Variants in RAP1GDS1 observed in about 807,000 individuals in gnomAD.
The protein encoded by RAP1GDS1 is RAP1, GTP-GDP dissociation stimulator 1.
In RAP1GDS1, 35 loss-of-function variants were observed where a neutral mutation model predicts 71.1. The observed-to-expected ratio is 0.49, with a 90% CI of 0.38 to 0.65. The LOEUF (loss-of-function observed/expected upper bound fraction) is 0.65, where lower values mean the gene tolerates loss of function less well. RAP1GDS1 is among the 30% of genes least tolerant of loss of function. The probability of loss-of-function intolerance (pLI) is 0.00; values close to 1 mark genes in which losing one functional copy is unlikely to be tolerated. For synonymous variants in RAP1GDS1, 229 were observed against 243.1 expected (o/e 0.94, Z 0.54); for missense variants, 663 against 706.1 (o/e 0.94, Z 0.69).
intron 4 of RAP1GDS1, among the ~76,000 whole-genome samples, chr4:98,358,129 A>C (rs2110435117): frequency 6.6e-6 from 1 of 152,174 alleles, no homozygotes; most frequent in Admixed American, 6.5e-5. Context: ...TTTATGATAA[A>C]AAGGAATATT....
intron 4 of RAP1GDS1, among the ~76,000 whole-genome samples, chr4:98,369,184 A>G (rs1215619614): frequency 1.3e-5 from 2 of 152,176 alleles, no homozygotes; most frequent in African/African-American, 4.8e-5. Flanking sequence ...GTTACCTCCA[A>G]CTGAGTCCCT....
intron 1 of RAP1GDS1, among the ~76,000 whole-genome samples, chr4:98,288,667 G>T (rs1160497673): frequency 6.6e-6 from 1 of 152,236 alleles, no homozygotes; most frequent in South Asian, 2.1e-4. Flanking sequence ...AAGTGTTCCT[G>T]TTTCTTCACA....
intron 14 of RAP1GDS1, 85 bp from the exon 15 acceptor site, chr4:98,441,905 T>A (rs1751920749): frequency 6.9e-7 from 1 of 1,440,088 alleles, no homozygotes; most frequent in African/African-American, 1.4e-5. Context: ...AGCTTAGTCT[T>A]GTCAAAATAA....
intron 1 of RAP1GDS1, among the ~76,000 whole-genome samples, chr4:98,271,842 T>C (rs1723505357): frequency 1.3e-5 from 2 of 152,228 alleles, no homozygotes; most frequent in Admixed American, 1.3e-4. Flanking sequence ...GTCTCCATTT[T>C]ACTAAATCAA....
chr4:98,302,096 A>G (rs2110297984), intron 2 of RAP1GDS1, among the ~76,000 whole-genome samples: 1 of 152,350 alleles, frequency 6.6e-6, no homozygotes, highest in African/African-American at 2.4e-5. Flanking sequence ...AGGTGCTACA[A>G]AAAAGAAAGC....
intron 2 of RAP1GDS1, among the ~76,000 whole-genome samples, chr4:98,325,234 A>C (rs1732808878): frequency 1.3e-5 from 2 of 151,506 alleles, no homozygotes; most frequent in East Asian, 3.9e-4. Context: ...ATCATCTCAC[A>C]CCAGTTAGAA....
intron 2 of RAP1GDS1, among the ~76,000 whole-genome samples, chr4:98,313,833 C>G (rs1157016237): frequency 6.6e-6 from 1 of 152,086 alleles, no homozygotes; most frequent in Admixed American, 6.6e-5. Context: ...AGCAACAGAG[C>G]AAGACCGTGT....
intron 11 of RAP1GDS1, among the ~76,000 whole-genome samples, 191 bp downstream of exon 11, chr4:98,420,335 ATTATTTATTTATTTAT>A (rs35020636): frequency 6.0e-5 from 9 of 149,866 alleles, no homozygotes; most frequent in Non-Finnish European, 8.9e-5. Context: ...ATTTATACAT[ATTATTTATTTATTTAT>A]TTATTTATTT....
intron 2 of RAP1GDS1, among the ~76,000 whole-genome samples, chr4:98,332,326 A>G (rs1734127383): frequency 6.6e-6 from 1 of 152,190 alleles, no homozygotes; most frequent in Admixed American, 6.5e-5. Flanking sequence ...AATAATTGAG[A>G]TACATCAGGA....
intron 1 of RAP1GDS1, among the ~76,000 whole-genome samples, chr4:98,263,471 A>G (rs1490575158): frequency 6.6e-6 from 1 of 152,268 alleles, no homozygotes; most frequent in Non-Finnish European, 1.5e-5. Flanking sequence ...AGGGCCAAAT[A>G]GAAACCTATC....
chr4:98,347,606 G>C (rs1736487800), intron 3 of RAP1GDS1, among the ~76,000 whole-genome samples: 1 of 152,132 alleles, frequency 6.6e-6, no homozygotes, highest in African/African-American at 2.4e-5. Flanking sequence ...CAGCATAATG[G>C]CATCCACTAA....
intron 4 of RAP1GDS1, among the ~76,000 whole-genome samples, chr4:98,369,351 A>C (rs779279997): frequency 6.6e-6 from 1 of 152,186 alleles, no homozygotes; most frequent in Non-Finnish European, 1.5e-5. Flanking sequence ...ACTCACAAAT[A>C]CACACCTATG....
intron 2 of RAP1GDS1, among the ~76,000 whole-genome samples, chr4:98,336,971 T>C (rs984759372): frequency 2.6e-5 from 4 of 152,166 alleles, no homozygotes; most frequent in African/African-American, 9.7e-5. Flanking sequence ...CTCAGCTCAC[T>C]GCAAACTCTG....
intron 4 of RAP1GDS1, among the ~76,000 whole-genome samples, chr4:98,372,693 T>G (rs1740570327): frequency 6.6e-6 from 1 of 152,222 alleles, no homozygotes; most frequent in Non-Finnish European, 1.5e-5. Context: ...TTATTTTTAC[T>G]TAAAAATTTG....
intron 4 of RAP1GDS1, among the ~76,000 whole-genome samples, chr4:98,368,046 T>A (rs904882824): frequency 3.3e-5 from 5 of 152,142 alleles, no homozygotes; most frequent in Non-Finnish European, 1.5e-5. Flanking sequence ...CACCCAAATC[T>A]CATTTTTAAT....
chr4:98,261,584 C>T lies in RAP1GDS1; in HGVS notation c.4+15C>T. 1.3e-6 allele frequency: 2 copies of T among 1,599,718 alleles called. No individual in the cohort carries two copies. The highest frequency in any genetic ancestry group is 1.7e-6 in the Non-Finnish European group (2 of 1,171,454). ...GAGCAACATGGGTAAGTCATCCTTC[C>T]TCCGCCGTCATCGCCTGACATTTTT... On this transcript the variant is annotated intron_variant, in intron 1 of 14. Coordinates refer to ENST00000408927, the MANE Select transcript of RAP1GDS1 (RefSeq NM_001100427.2).
intron 4 of RAP1GDS1, among the ~76,000 whole-genome samples, chr4:98,355,237 A>G (rs532224400): frequency 2.6e-4 from 39 of 152,268 alleles, no homozygotes; most frequent in African/African-American, 7.5e-4. Context: ...CGGGAATGTA[A>G]TGCTTCATTT....
intron 12 of RAP1GDS1, among the ~76,000 whole-genome samples, chr4:98,427,395 C>T (rs781595783): frequency 5.3e-5 from 8 of 152,054 alleles, no homozygotes; most frequent in Non-Finnish European, 1.0e-4. Context: ...AAATAAAGGT[C>T]ATCCACATCG....
chr4:98,300,201 CTGA>C (rs1196584387), intron 2 of RAP1GDS1, among the ~76,000 whole-genome samples: 2 of 152,144 alleles, frequency 1.3e-5, no homozygotes, highest in Non-Finnish European at 2.9e-5. Flanking sequence ...AACCAGCACC[CTGA>C]TTAGGTGGTG....
Sources: allele counts gnomAD v4.1 joint callset (sites outside exome capture counted in the v4.1 genomes callset), GRCh38; gene constraint gnomAD v4.1.1; transcripts MANE v1.5; gene names NCBI Gene and HGNC (gene_info 2026-07-23, HGNC 2026-07-21).